The following PCDHA2 variants were observed in gnomAD, a reference collection of about 807,000 sequenced individuals.
PCDHA2 encodes protocadherin alpha 2.
In PCDHA2, 58 loss-of-function variants were observed where a neutral mutation model predicts 66.0. That is an observed-to-expected ratio of 0.88 (90% CI 0.71 to 1.09). The LOEUF is 1.09. Among genes scored for constraint, PCDHA2 ranks in the 50% least tolerant of loss-of-function variants. The pLI, the probability that PCDHA2 is intolerant of heterozygous loss-of-function variation, is 0.00. For missense variants in PCDHA2, 1,267 were observed against 1,242.3 expected (o/e 1.02, Z -0.30); for synonymous variants, 634 against 554.0 (o/e 1.14, Z -2.03).
At chr5:140,809,609 T>G in intron 1 of PCDHA2, 2 of 1,521,434 alleles carry the variant, frequency 1.3e-6, no homozygotes, top group Non-Finnish European at 1.8e-6. Flanking sequence ...ATTTTCGTAT[T>G]GTTTTTCTCT....
At chr5:140,800,710 T>C (rs1406177117) in intron 1 of PCDHA2, among the ~76,000 whole-genome samples, 1 of 152,206 alleles carries the variant, frequency 6.6e-6, no homozygotes, top group African/African-American at 2.4e-5. Context: ...TGTGATAATT[T>C]AACGGGATAA....
At chr5:140,842,693 C>A in intron 1 of PCDHA2, 1 of 1,595,288 alleles carries the variant, frequency 6.3e-7, no homozygotes. Context: ...GTTCGCGCAG[C>A]CCGAGTACAC....
At chr5:140,956,933 A>G (rs1243678543) in intron 1 of PCDHA2, among the ~76,000 whole-genome samples, 1 of 151,594 alleles carries the variant, frequency 6.6e-6, no homozygotes, top group Non-Finnish European at 1.5e-5. Flanking sequence ...TGGATATAGG[A>G]TAAAATTTAC....
At chr5:140,915,259 T>A (rs1344301014) in intron 1 of PCDHA2, among the ~76,000 whole-genome samples, 2 of 152,182 alleles carry the variant, frequency 1.3e-5, no homozygotes, top group African/African-American at 2.4e-5. Flanking sequence ...GTTGTTATTA[T>A]TTTTGACCAG....
At chr5:140,990,155 G>GT (rs1274867030) in intron 3 of PCDHA2, among the ~76,000 whole-genome samples, 4 of 152,076 alleles carry the variant, frequency 2.6e-5, no homozygotes, top group African/African-American at 9.7e-5. Context: ...ATAATAGAAA[G>GT]TTAGGGTATG....
chr5:140,902,621 TATTTAGTGGTG>T (rs2069605868), intron 1 of PCDHA2, among the ~76,000 whole-genome samples: 1 of 152,154 alleles, frequency 6.6e-6, no homozygotes, highest in Non-Finnish European at 1.5e-5. Context: ...ATGGGTAAGT[TATTTAGTGGTG>T]ATTTCTGAGA....
rs868965340 is a variant in PCDHA2, at chr5:141,007,276, G to A, written c.2537-2351G>A. On this transcript the variant is annotated intron_variant, in intron 3 of 3. Transcript: ENST00000526136. ...TAAAAGAAGCAGATACAGGCTGGGT[G>A]CAGTGGGCTCATGCCTGTAATCTTA... Among the ~76,000 whole-genome samples the A allele has an allele frequency of 3.3e-5, 5 of 151,858 alleles. No homozygotes were observed. In the South Asian group the frequency reaches 8.3e-4, roughly 25 times the overall value.
intron 1 of PCDHA2, among the ~76,000 whole-genome samples, chr5:140,900,465 C>T (rs936722061): frequency 1.3e-5 from 2 of 152,156 alleles, no homozygotes; most frequent in Admixed American, 1.3e-4. Context: ...TTAGTAGACA[C>T]GGAGTTTCTC....
chr5:140,917,323 G>C (rs1363512198), intron 1 of PCDHA2, among the ~76,000 whole-genome samples: 1 of 147,758 alleles, frequency 6.8e-6, no homozygotes, highest in African/African-American at 2.5e-5. Context: ...TGTTCATGTG[G>C]CGGGGGAGGG....
intron 1 of PCDHA2, chr5:140,809,002 G>C: frequency 6.2e-7 from 1 of 1,613,678 alleles, no homozygotes; most frequent in South Asian, 1.1e-5. Context: ...GCTACAACGC[G>C]TGGCTTTCGT....
intron 1 of PCDHA2, among the ~76,000 whole-genome samples, chr5:140,909,916 C>T (rs1554194012): frequency 6.6e-6 from 1 of 152,138 alleles, no homozygotes; most frequent in African/African-American, 2.4e-5. Context: ...CAATCATTTC[C>T]CTTTCCCCAA....
chr5:140,987,075 G>C (rs564788093), intron 3 of PCDHA2, among the ~76,000 whole-genome samples: 1 of 152,006 alleles, frequency 6.6e-6, no homozygotes, highest in Admixed American at 6.5e-5. Context: ...TGAGCTGGGC[G>C]TGGTGGCAGG....
At chr5:140,961,617 C>A (rs781986571) in intron 1 of PCDHA2, among the ~76,000 whole-genome samples, 47 of 152,204 alleles carry the variant, frequency 3.1e-4, no homozygotes, top group Middle Eastern at 3.4e-3. Context: ...AACTAAAGTG[C>A]CCATATGAAA....
chr5:140,968,125 TAC>T, intron 1 of PCDHA2: 1 of 1,614,174 alleles, frequency 6.2e-7, no homozygotes, highest in Non-Finnish European at 8.5e-7. Context: ...CATCCCTGCG[TAC>T]ACTGAAGGTT....
rs139214405 is a variant in PCDHA2, at chr5:140,927,269, C to A, written c.2389-51680C>A. The A allele has an allele frequency of 2.4e-5, 38 of 1,614,024 alleles. No individual in the cohort carries two copies. In the African/African-American group the frequency reaches 3.9e-4, roughly 16 times the overall value. On this transcript the variant is annotated intron_variant, in intron 1 of 3. Transcript: ENST00000526136. ...AATGACAACTCACCTCTCTTTCCTG[C>A]CGGCGACGTGCAGCTGCACATCCCC...
chr5:140,947,103 G>A (rs1355984234), intron 1 of PCDHA2, among the ~76,000 whole-genome samples: 1 of 151,176 alleles, frequency 6.6e-6, no homozygotes, highest in Admixed American at 6.6e-5. Flanking sequence ...CCATAAATAG[G>A]TACGTGTCAA....
At chr5:140,956,403 A>C (rs1475566345) in intron 1 of PCDHA2, among the ~76,000 whole-genome samples, 1 of 152,178 alleles carries the variant, frequency 6.6e-6, no homozygotes, top group African/African-American at 2.4e-5. Context: ...ATCCATTGAG[A>C]TAATCATGTG....
chr5:141,009,935 T>C lies in PCDHA2; in HGVS notation c.2845T>C (p.Ter949ArgextTer53). The change falls in exon 4 of 4, where the codon TGA (stop) becomes CGA (arginine). Residue 949 changes from the stop codon to arginine, a stop_lost. Coordinates refer to ENST00000526136, the MANE Select transcript of PCDHA2 (RefSeq NM_018905.3). ...CAGCACGACTGACAACAGTGACCAG[T>C]GAGGTCCTCAAATGGAAACAAGCCA... ...GNSTTDNSDQ[*>R] 1.2e-6 allele frequency: 2 copies of C among 1,602,416 alleles called. No homozygotes were observed. The highest frequency in any genetic ancestry group is 1.7e-6 in the Non-Finnish European group (2 of 1,176,054).
chr5:140,887,537 C>A (rs530539711), intron 1 of PCDHA2, among the ~76,000 whole-genome samples: 7 of 152,132 alleles, frequency 4.6e-5, no homozygotes, highest in African/African-American at 7.2e-5. Flanking sequence ...TTCCTCTCCC[C>A]ACCCCTCATG....
Sources: allele counts gnomAD v4.1 joint callset (sites outside exome capture counted in the v4.1 genomes callset), GRCh38; gene constraint gnomAD v4.1.1; transcripts MANE v1.5; gene names NCBI Gene and HGNC (gene_info 2026-07-23, HGNC 2026-07-21).